Variants in TENM1 observed in about 807,000 individuals in gnomAD.
The protein encoded by TENM1 is teneurin-1.
TENM1 carries 35 observed loss-of-function variants against 174.8 expected under a neutral mutation model. The ratio of observed to expected loss-of-function variants is 0.20; its 90% confidence interval spans 0.15 to 0.27. The LOEUF (loss-of-function observed/expected upper bound fraction) is 0.27. TENM1 is among the 10% of genes least tolerant of loss of function. TENM1 has a pLI of 1.00. For missense variants in TENM1, 1,633 were observed against 2,130.1 expected, an observed-to-expected ratio of 0.77 and a Z score of 4.59; for synonymous variants, 781 against 798.7, an observed-to-expected ratio of 0.98 and a Z score of 0.37.
At chrX:125,137,136 C>T in the TENM1 span, among the ~76,000 whole-genome samples, 360 of 111,161 alleles carry the variant, frequency 3.2e-3, 3 homozygotes, top group African/African-American at 0.011. Flanking sequence ...CCTGCCTTGC[C>T]AGATCATTGA....
chrX:124,868,758 T>C (rs2057053848), intron 3 of TENM1, among the ~76,000 whole-genome samples: 1 of 111,160 alleles, frequency 9.0e-6, no homozygotes. Context: ...AACCAGAATA[T>C]ATAAGAAGCT....
At chrX:124,509,605 C>A (rs2047531797) in intron 18 of TENM1, among the ~76,000 whole-genome samples, 1 of 110,758 alleles carries the variant, frequency 9.0e-6, no homozygotes, top group African/African-American at 3.3e-5. Context: ...GCTCTACGTG[C>A]CAGGCAGGTG....
At chrX:124,712,457 G>A (rs1299554414) in intron 4 of TENM1, among the ~76,000 whole-genome samples, 1 of 110,697 alleles carries the variant, frequency 9.0e-6, no homozygotes, top group Non-Finnish European at 1.9e-5. Context: ...TAGGGATTTT[G>A]AACATCTTTT....
intron 4 of TENM1, among the ~76,000 whole-genome samples, chrX:124,714,726 T>C (rs2148510312): frequency 8.9e-6 from 1 of 111,825 alleles, no homozygotes; most frequent in East Asian, 2.8e-4. Context: ...TTCAACATTC[T>C]TTAACAGGAT....
chrX:125,195,102 G>T, the TENM1 span, among the ~76,000 whole-genome samples: 3 of 111,506 alleles, frequency 2.7e-5, no homozygotes, highest in African/African-American at 3.3e-5. Context: ...ATGAGCAAAT[G>T]AAAATTTTCC....
chrX:124,438,013 A>C (rs1037225534), intron 23 of TENM1, among the ~76,000 whole-genome samples: 24 of 112,197 alleles, frequency 2.1e-4, no homozygotes, highest in African/African-American at 7.8e-4. Context: ...CCCTCTCATA[A>C]TTAATAGAGA....
the TENM1 span, among the ~76,000 whole-genome samples, chrX:124,984,149 C>T: frequency 8.9e-6 from 1 of 112,015 alleles, no homozygotes; most frequent in East Asian, 2.8e-4. Context: ...CAAGAAATCC[C>T]TTTCTCTTAC....
the TENM1 span, among the ~76,000 whole-genome samples, chrX:124,986,682 C>T: frequency 9.0e-6 from 1 of 111,408 alleles, no homozygotes; most frequent in Non-Finnish European, 1.9e-5. Flanking sequence ...TACTCTGTCG[C>T]CCAGGCTGGG....
At chrX:124,396,304 C>CTTTTTTTTTTTTTT (rs1257692658) in intron 27 of TENM1, among the ~76,000 whole-genome samples, 5,030 of 69,494 alleles carry the variant, frequency 0.072, 756 homozygotes, top group East Asian at 0.15. Flanking sequence ...CTCTCCCAAC[C>CTTTTTTTTTTTTTT]TTTTTTTTTT....
the TENM1 span, among the ~76,000 whole-genome samples, chrX:124,985,651 T>C: frequency 8.9e-6 from 1 of 112,016 alleles, no homozygotes; most frequent in Non-Finnish European, 1.9e-5. Flanking sequence ...ATGTAACCTG[T>C]ACCTCAAAGT....
At chrX:124,432,038 A>G (rs993673549) in intron 23 of TENM1, among the ~76,000 whole-genome samples, 1 of 112,337 alleles carries the variant, frequency 8.9e-6, no homozygotes, top group Non-Finnish European at 1.9e-5. Context: ...CATCTCTCCC[A>G]ATGTTCCTAA....
intron 18 of TENM1, among the ~76,000 whole-genome samples, chrX:124,514,853 G>T (rs187737247): frequency 8.1e-5 from 9 of 110,446 alleles, no homozygotes; most frequent in African/African-American, 2.6e-4. Flanking sequence ...ATTCTATGAG[G>T]CCAGCATCAT....
chrX:124,642,433 A>G (rs143193568), intron 10 of TENM1, among the ~76,000 whole-genome samples: 1,655 of 112,628 alleles, frequency 0.015, 11 homozygotes, highest in South Asian at 0.024. Flanking sequence ...AGGAGTTTAT[A>G]TAAATTTTTG....
At position 124,410,057 on chromosome X, in the gene TENM1, G is replaced by T. The variant is rs1417137046; in HGVS notation, c.4983-3568C>A. 2.7e-5 allele frequency among the ~76,000 whole-genome samples: 3 copies of T among 110,139 alleles called. No individual in the cohort carries two copies. In the South Asian group the frequency reaches 1.2e-3, roughly 43 times the overall value. ...GTGGAACCAAAAAAGAGCCCACATC[G>T]CCAAGTCAATCCTAAGCCAAAAGAA... On this transcript the variant is annotated intron_variant, in intron 25 of 31. Coordinates refer to ENST00000422452, the Ensembl canonical transcript of TENM1.
the TENM1 span, among the ~76,000 whole-genome samples, chrX:125,180,037 C>T: frequency 1.0e-5 from 1 of 95,879 alleles, no homozygotes; most frequent in Non-Finnish European, 2.1e-5. Context: ...TTCTCTAGTT[C>T]CTCCTTCCCT....
intron 3 of TENM1, among the ~76,000 whole-genome samples, chrX:124,798,538 G>T (rs1342516319): frequency 9.0e-6 from 1 of 110,671 alleles, no homozygotes; most frequent in Admixed American, 9.6e-5. Context: ...TGATGGGGTT[G>T]TTTTTTTTCT....
At chrX:125,023,444 A>G in the TENM1 span, among the ~76,000 whole-genome samples, 1 of 110,959 alleles carries the variant, frequency 9.0e-6, no homozygotes, top group African/African-American at 3.3e-5. Context: ...GCAGTGTGAG[A>G]ATGGACTAAT....
chrX:124,976,217 A>G, the TENM1 span, among the ~76,000 whole-genome samples: 15 of 112,043 alleles, frequency 1.3e-4, 1 homozygote, highest in East Asian at 4.2e-3. Flanking sequence ...TCTTTTAAGC[A>G]ACTTTCATCC....
chrX:124,773,721 C>A (rs1461117370), intron 3 of TENM1, among the ~76,000 whole-genome samples: 3 of 111,146 alleles, frequency 2.7e-5, no homozygotes, highest in African/African-American at 6.5e-5. Context: ...ATATATGGAC[C>A]CCCAGAATGC....
Sources: gnomAD v4.1 joint callset for allele counts (sites outside exome capture counted in the v4.1 genomes callset) on GRCh38, gnomAD v4.1.1 for gene constraint, MANE v1.5 for transcripts, NCBI Gene and HGNC (gene_info 2026-07-23, HGNC 2026-07-21) for gene names.